Variants in RAD51B observed in about 807,000 individuals in gnomAD.
The protein encoded by RAD51B is RAD51 paralog B.
Under a neutral mutation model 42.2 loss-of-function variants are expected in RAD51B, and 38 were observed. The observed-to-expected ratio is 0.90, with a 90% CI of 0.70 to 1.18. The LOEUF is 1.18. RAD51B is among the 50% of genes most tolerant of loss of function. The pLI, the probability that RAD51B is intolerant of heterozygous loss-of-function variation, is 0.00. For missense variants in RAD51B, 373 were observed against 400.7 expected, an observed-to-expected ratio of 0.93 and a Z score of 0.59; for synonymous variants, 154 against 145.2, an observed-to-expected ratio of 1.06 and a Z score of -0.43.
chr14:68,056,471 A>G (rs1353802098), intron 7 of RAD51B, among the ~76,000 whole-genome samples: 2 of 151,778 alleles, frequency 1.3e-5, no homozygotes, highest in African/African-American at 4.8e-5. Context: ...TTGTGGGGCT[A>G]GGTGCAGTGG....
downstream of RAD51B, among the ~76,000 whole-genome samples, chr14:68,612,997 AGTGAAAATGGACC>A (rs1891730582): frequency 6.6e-6 from 1 of 152,076 alleles, no homozygotes; most frequent in African/African-American, 2.4e-5. Context: ...TCCCTGCAGG[AGTGAAAATGGACC>A]CACAAACCAC....
intron 7 of RAD51B, among the ~76,000 whole-genome samples, chr14:68,239,147 A>G (rs939398296): frequency 1.3e-5 from 2 of 152,152 alleles, no homozygotes; most frequent in African/African-American, 4.8e-5. Context: ...CAGATAAGAC[A>G]ACTGTTATCT....
intron 9 of RAD51B, among the ~76,000 whole-genome samples, chr14:68,429,104 G>A (rs1202500973): frequency 2.6e-5 from 4 of 151,916 alleles, no homozygotes; most frequent in East Asian, 3.9e-4. Context: ...TTATGGCTGC[G>A]TAGTATTCCA....
rs140394905 is a variant in RAD51B, at chr14:68,562,138, T to G, written c.1037-32347T>G. The G allele has an allele frequency of 7.1e-6, 7 of 985,394 alleles. No homozygotes were observed. In the East Asian group the frequency reaches 6.8e-4, roughly 96 times the overall value. The allele number at this position is 985,394 out of a possible 1,614,324, so 61.0% of individuals were successfully genotyped here. ...CTCCCTGTGAAAGCCCTCGTCACCC[T>G]GGAAATGCCAGTTCTGAAGAGGCAA... On this transcript the variant is annotated intron_variant, in intron 10 of 10. Coordinates refer to the RAD51B transcript ENST00000487270.
At chr14:68,240,316 A>G (rs1595592698) in intron 7 of RAD51B, among the ~76,000 whole-genome samples, 1 of 152,194 alleles carries the variant, frequency 6.6e-6, no homozygotes. Context: ...ACTTCCTTAT[A>G]CAGCCACTTA....
rs763738913 is a variant in RAD51B at position 68,241,474 on chromosome 14, C to T, written c.757-50410C>T. ...GGAGAGTGGCATGAACCCAGGAGGCCGAGCTTGCAGTGAGCTGAGATCGCG... is the reference window on the plus strand; with the variant it reads ...GGAGAGTGGCATGAACCCAGGAGGCTGAGCTTGCAGTGAGCTGAGATCGCG... On this transcript the variant is annotated intron_variant, in intron 7 of 10. Coordinates refer to ENST00000471583, the MANE Select transcript of RAD51B (RefSeq NM_133510.4). Among the ~76,000 whole-genome samples, 5 of 151,904 alleles carry T rather than the reference C, an allele frequency of 3.3e-5. No homozygotes were observed. The South Asian group carries it at 1.0e-3, about 32-fold the overall frequency.
intron 7 of RAD51B, among the ~76,000 whole-genome samples, chr14:68,179,237 T>G (rs1436238347): frequency 1.3e-5 from 2 of 152,230 alleles, no homozygotes; most frequent in Non-Finnish European, 2.9e-5. Flanking sequence ...GTTTCTCATG[T>G]ATCCCTAGGT....
At chr14:68,144,959 T>C (rs1012004282) in intron 7 of RAD51B, among the ~76,000 whole-genome samples, 24 of 152,224 alleles carry the variant, frequency 1.6e-4, no homozygotes, top group Admixed American at 1.5e-3. Flanking sequence ...CCTCAATCTT[T>C]GACTTGCTTG....
intron 9 of RAD51B, among the ~76,000 whole-genome samples, chr14:68,446,749 G>A (rs999767463): frequency 5.3e-5 from 8 of 152,140 alleles, no homozygotes; most frequent in Non-Finnish European, 1.5e-5. Flanking sequence ...GGTGGAAGGA[G>A]GAATTGAATA....
intron 7 of RAD51B, among the ~76,000 whole-genome samples, chr14:67,919,629 C>A (rs544218622): frequency 2.8e-4 from 43 of 152,312 alleles, no homozygotes; most frequent in African/African-American, 9.6e-4. Flanking sequence ...AAACCAGACT[C>A]ATGAACCACT....
intron 7 of RAD51B, among the ~76,000 whole-genome samples, chr14:68,067,931 CAAAAAAA>C (rs913150528): frequency 1.6e-4 from 4 of 24,704 alleles, no homozygotes; most frequent in South Asian, 2.0e-3. Context: ...GACTCCATCT[CAAAAAAA>C]AAAAAAAAAA....
intron 7 of RAD51B, among the ~76,000 whole-genome samples, chr14:68,035,263 T>G (rs1350906913): frequency 6.6e-6 from 1 of 152,246 alleles, no homozygotes. Flanking sequence ...GATGTTCGTT[T>G]TACAGTGTTC....
chr14:68,001,540 T>A (rs888549673), intron 7 of RAD51B, among the ~76,000 whole-genome samples: 4 of 152,308 alleles, frequency 2.6e-5, no homozygotes, highest in African/African-American at 9.6e-5. Flanking sequence ...TTTATTTATT[T>A]GATTTTCAAC....
At chr14:68,520,841 T>C (rs955299426) in intron 10 of RAD51B, among the ~76,000 whole-genome samples, 8 of 152,230 alleles carry the variant, frequency 5.3e-5, no homozygotes, top group Admixed American at 3.3e-4. Context: ...TAAGTGATTA[T>C]ACATTGTCCT....
At chr14:68,609,152 A>G (rs1194698040) in intron 10 of RAD51B, among the ~76,000 whole-genome samples, 3 of 152,164 alleles carry the variant, frequency 2.0e-5, no homozygotes, top group Admixed American at 6.5e-5. Flanking sequence ...GATCTCAGGC[A>G]TTCAGCACCC....
intron 7 of RAD51B, among the ~76,000 whole-genome samples, chr14:68,206,788 CT>C (rs34642019): frequency 0.091 from 11,275 of 124,186 alleles, 313 homozygotes; most frequent in Middle Eastern, 0.23. Context: ...AACCCCAGTT[CT>C]TTTTTTTTTT....
At chr14:68,356,343 G>A (rs1320304725) in intron 8 of RAD51B, among the ~76,000 whole-genome samples, 1 of 151,616 alleles carries the variant, frequency 6.6e-6, no homozygotes, top group Non-Finnish European at 1.5e-5. Flanking sequence ...GCTGAGGCGG[G>A]AGAATGGCGT....
intron 7 of RAD51B, among the ~76,000 whole-genome samples, chr14:68,206,934 C>T (rs1317880996): frequency 1.3e-5 from 2 of 152,024 alleles, no homozygotes; most frequent in East Asian, 1.9e-4. Context: ...GGACTACAGG[C>T]GCCCGCCAAC....
chr14:68,572,982 G>T (rs1889785573), intron 10 of RAD51B, among the ~76,000 whole-genome samples: 1 of 152,104 alleles, frequency 6.6e-6, no homozygotes, highest in Non-Finnish European at 1.5e-5. Context: ...GCCTACCAAG[G>T]GTGCCACAGG....
Sources: gnomAD v4.1 joint callset for allele counts (sites outside exome capture counted in the v4.1 genomes callset) on GRCh38, gnomAD v4.1.1 for gene constraint, MANE v1.5 for transcripts, NCBI Gene and HGNC (gene_info 2026-07-23, HGNC 2026-07-21) for gene names.